SATB1: variants seen among roughly 807,000 people sequenced by gnomAD.
The protein encoded by SATB1 is SATB homeobox 1.
SATB1 carries 11 observed loss-of-function variants against 86.9 expected under a neutral mutation model. The ratio of observed to expected loss-of-function variants is 0.13; its 90% CI spans 0.08 to 0.21. The LOEUF is 0.21. Among genes scored for constraint, SATB1 ranks in the 10% least tolerant of loss-of-function variants. The pLI is 1.00. For missense variants in SATB1, 551 were observed against 937.6 expected (o/e 0.59, Z 5.39); for synonymous variants, 357 against 357.2 (o/e 1.00, Z 0.01).
chr3:18,391,019 G>A (rs897775641), intron 7 of SATB1, among the ~76,000 whole-genome samples: 1 of 151,912 alleles, frequency 6.6e-6, no homozygotes, highest in African/African-American at 2.4e-5. Flanking sequence ...TATCTTCAAC[G>A]GCAATTAAAG....
Position 18,349,568 on chromosome 3 carries a change from C to G in SATB1, c.1894G>C (p.Ala632Pro). The G allele has an allele frequency of 1.2e-6, 2 of 1,613,944 alleles. No homozygotes were observed. Among genetic ancestry groups the G allele is most frequent in the East Asian group, 4.5e-5 (2 of 44,884 alleles). ...PRLPPRQPTVASPAESDEENR... is the reference protein window; with the variant it reads ...PRLPPRQPTVPSPAESDEENR... Reference sequence around the variant, plus strand: ...TCCTCATCTGACTCTGCTGGAGAGGCCACCGTGGGTTGCCGTGGGGGGAGC... The same window carrying G: ...TCCTCATCTGACTCTGCTGGAGAGGGCACCGTGGGTTGCCGTGGGGGGAGC... The change falls in exon 11 of 11, where the codon GCC (alanine) becomes CCC (proline). Residue 632 changes from alanine (A) to proline (P), a missense_variant. Ala to Pro is a conservative substitution (Grantham distance 27, BLOSUM62 -1). Around this residue, in one of 8 missense-constraint regions of SATB1, gnomAD observed 87 missense variants for 103.6 expected, o/e 0.84. Coordinates refer to ENST00000338745, the MANE Select transcript of SATB1 (RefSeq NM_002971.6). The surrounding 1 kb of genome is among the most constrained non-coding windows in gnomAD (Gnocchi z 5.5).
At chr3:18,436,588 A>C (rs1334977963) in intron 2 of SATB1, among the ~76,000 whole-genome samples, 1 of 152,096 alleles carries the variant, frequency 6.6e-6, no homozygotes, top group East Asian at 1.9e-4. Flanking sequence ...CCTAGTAAAA[A>C]CAGAAAATTA....
intron 9 of SATB1, among the ~76,000 whole-genome samples, chr3:18,359,955 T>C (rs1694827645): frequency 6.6e-6 from 1 of 152,082 alleles, no homozygotes; most frequent in Non-Finnish European, 1.5e-5. Flanking sequence ...TTCCTTGAAT[T>C]ACTATGTTAG....
At chr3:18,429,542 GGA>G (rs1457006948), upstream of SATB1, among the ~76,000 whole-genome samples, 2 of 152,172 alleles carry the variant, frequency 1.3e-5, no homozygotes, top group African/African-American at 2.4e-5. The surrounding 1 kb of genome is among the most constrained non-coding windows in gnomAD (Gnocchi z 4.1). Flanking sequence ...CCACTTCTTT[GGA>G]GGTCATGGCA....
Position 18,348,800 on chromosome 3 carries a change from T to A in SATB1, c.*370A>T, listed in dbSNP as rs1268543321. On this transcript the variant is annotated 3_prime_UTR_variant, in exon 11 of 11. Transcript: ENST00000338745. ...GTGTGGAGTGCTACAGAAATAATTATAGGAGAGGAAATCATAATCACAGAA... is the reference window on the plus strand; with the variant it reads ...GTGTGGAGTGCTACAGAAATAATTAAAGGAGAGGAAATCATAATCACAGAA... The A allele has an allele frequency of 5.1e-6, 1 of 197,708 alleles. No homozygotes were observed. The highest frequency in any genetic ancestry group is 1.3e-4 in the East Asian group (1 of 7,584). 12.2% of individuals were successfully genotyped at this position (197,708 alleles called of 1,614,324 possible).
At chr3:18,369,799 G>A (rs1695372952) in intron 9 of SATB1, among the ~76,000 whole-genome samples, 1 of 152,202 alleles carries the variant, frequency 6.6e-6, no homozygotes, top group Non-Finnish European at 1.5e-5. Context: ...ACATCTGGTT[G>A]TGCTGGTAGC....
At chr3:18,351,881 G>A (rs1020880236) in intron 10 of SATB1, 111 bp downstream of exon 10, 1 of 981,430 alleles carries the variant, frequency 1.0e-6, no homozygotes, top group South Asian at 1.4e-5. Flanking sequence ...GTTATCTCTT[G>A]CTAAAAAGCC....
At chr3:18,400,508 T>G (rs922711263) in intron 5 of SATB1, among the ~76,000 whole-genome samples, 1 of 152,192 alleles carries the variant, frequency 6.6e-6, no homozygotes, top group African/African-American at 2.4e-5. Flanking sequence ...AATCCATCAA[T>G]TCAGGCATTT....
chr3:18,390,212 C>T (rs1333923641), intron 7 of SATB1, among the ~76,000 whole-genome samples: 1 of 152,136 alleles, frequency 6.6e-6, no homozygotes, highest in East Asian at 1.9e-4. Flanking sequence ...TCCCGTTTGT[C>T]TCCTCTTTGA....
intron 9 of SATB1, among the ~76,000 whole-genome samples, chr3:18,364,946 G>A (rs1327721282): frequency 6.6e-6 from 1 of 151,956 alleles, no homozygotes; most frequent in Non-Finnish European, 1.5e-5. Flanking sequence ...AGTAGCCCCA[G>A]GTTTCCATTA....
At chr3:18,425,776 C>T (rs1374574045), upstream of SATB1, among the ~76,000 whole-genome samples, 1 of 145,680 alleles carries the variant, frequency 6.9e-6, no homozygotes, top group Non-Finnish European at 1.5e-5. Context: ...GGGAGGGGAG[C>T]GCGCGGCGCG....
At chr3:18,370,651 T>C (rs137961946) in intron 9 of SATB1, among the ~76,000 whole-genome samples, 262 of 152,000 alleles carry the variant, frequency 1.7e-3, no homozygotes, top group African/African-American at 5.9e-3. Flanking sequence ...TCCTCTCTTA[T>C]GTAACACATA....
intron 9 of SATB1, among the ~76,000 whole-genome samples, chr3:18,372,809 A>C (rs1043030974): frequency 1.3e-5 from 2 of 152,216 alleles, no homozygotes; most frequent in African/African-American, 4.8e-5. Context: ...TAGAAAATTG[A>C]ATCCAATATG....
At chr3:18,433,653 G>T (rs1485730360) in intron 2 of SATB1, among the ~76,000 whole-genome samples, 1 of 151,888 alleles carries the variant, frequency 6.6e-6, no homozygotes, top group Non-Finnish European at 1.5e-5. Flanking sequence ...CATAATTAAG[G>T]AATGCTAATA....
intron 5 of SATB1, among the ~76,000 whole-genome samples, chr3:18,401,342 C>T (rs1215144078): frequency 6.6e-6 from 1 of 152,056 alleles, no homozygotes; most frequent in Non-Finnish European, 1.5e-5. Flanking sequence ...CTTTGGCTGT[C>T]GTGATAGAAA....
chr3:18,389,782 T>C (rs930162033), intron 7 of SATB1, among the ~76,000 whole-genome samples: 9 of 152,166 alleles, frequency 5.9e-5, no homozygotes, highest in African/African-American at 2.2e-4. Context: ...TAGTCATTCT[T>C]GTGTCTGAAA....
intron 10 of SATB1, chr3:18,350,201 G>A (rs956385569): frequency 1.3e-5 from 2 of 153,812 alleles, no homozygotes; most frequent in Admixed American, 6.5e-5. Context: ...TATCTGTCAT[G>A]AGACTAAAGG....
intron 9 of SATB1, among the ~76,000 whole-genome samples, chr3:18,360,623 T>G (rs995114209): frequency 6.6e-6 from 1 of 152,102 alleles, no homozygotes; most frequent in African/African-American, 2.4e-5. Flanking sequence ...ATATAGGCAT[T>G]TATCTATGTG....
At chr3:18,358,943 C>T (rs763325242) in intron 9 of SATB1, among the ~76,000 whole-genome samples, 11 of 151,682 alleles carry the variant, frequency 7.3e-5, no homozygotes, top group Non-Finnish European at 2.9e-5. Context: ...TAAATTTTTG[C>T]CACTTAGACA....
Sources: allele counts gnomAD v4.1 joint callset (sites outside exome capture counted in the v4.1 genomes callset), GRCh38; gene constraint gnomAD v4.1.1; regional missense constraint gnomAD v4.1.1; non-coding constraint Gnocchi (gnomAD v3.1); transcripts MANE v1.5; gene names NCBI Gene and HGNC (gene_info 2026-07-23, HGNC 2026-07-21).